EVL: variants seen among roughly 807,000 people sequenced by gnomAD.
EVL encodes the protein ena/VASP-like protein.
In EVL, 21 loss-of-function variants were observed where a neutral mutation model predicts 59.6. The observed-to-expected ratio is 0.35, with a 90% CI of 0.25 to 0.51. The LOEUF (loss-of-function observed/expected upper bound fraction) is 0.51, where lower values mean the gene tolerates loss of function less well. Ranked by LOEUF, EVL falls within the 20% of genes least tolerant of loss-of-function variation. The pLI is 0.97. For missense variants in EVL, 462 were observed against 546.6 expected (o/e 0.85, Z 1.54); for synonymous variants, 198 against 203.5 (o/e 0.97, Z 0.23).
intron 1 of EVL, among the ~76,000 whole-genome samples, chr14:99,982,378 T>C (rs73345466): frequency 0.13 from 19,281 of 152,194 alleles, 1,415 homozygotes; most frequent in African/African-American, 0.2. Flanking sequence ...TTTAATGGTA[T>C]TTTTGGGACC....
chr14:100,027,921 C>T (rs574735432), intron 1 of EVL, among the ~76,000 whole-genome samples: 2 of 152,168 alleles, frequency 1.3e-5, no homozygotes, highest in South Asian at 4.1e-4. Context: ...GTGATCCACC[C>T]TCATTGGCCT....
chr14:100,093,904 A>G (rs1321958364), intron 2 of EVL, among the ~76,000 whole-genome samples: 2 of 152,226 alleles, frequency 1.3e-5, no homozygotes, highest in Admixed American at 6.5e-5. Flanking sequence ...TAAATTTTAA[A>G]TTATGTGCCA....
Position 100,091,528 on chromosome 14 carries a change from TGGA to T in EVL, c.181-5950_181-5948del, listed in dbSNP as rs2062564332. Among the ~76,000 whole-genome samples, 4 of 152,166 alleles carry T rather than the reference TGGA, an allele frequency of 2.6e-5. No individual in the cohort carries two copies. In the South Asian group the frequency reaches 8.3e-4, roughly 31 times the overall value. ...GAGAGCTTCCAGAGAGCTGACCTGG[TGGA>T]GGTTCCTGGAGGGGGGGCAGGCCTA... On this transcript the variant is annotated intron_variant, in intron 2 of 13. Transcript: ENST00000392920.
In EVL at chr14:100,129,638, G is replaced by A; in HGVS notation, c.793G>A (p.Gly265Ser). 6.2e-7 allele frequency: 1 copy of A among 1,607,220 alleles called. No homozygotes were observed. Among genetic ancestry groups the A allele is most frequent in the Non-Finnish European group, 8.5e-7 (1 of 1,176,496 alleles). Residue 265 changes from glycine to serine, a missense_variant, in exon 7 of 14, where the codon GGC (glycine) becomes AGC (serine). Physicochemically the swap from Gly to Ser is moderately conservative, Grantham distance 56 (BLOSUM62 0). Transcript: ENST00000392920. ...TGCCAACCGGGCAAGCAGCGGGGGT[G>A]GCGGAGGAGGCCTCATGGAGGAAAT... ...SDANRASSGG[G>S]GGGLMEEMNK... is the part of the protein sequence containing the mutation.
chr14:100,135,938 C>G lies in EVL; in HGVS notation c.934C>G (p.Arg312Gly). 1.2e-6 allele frequency: 2 copies of G among 1,613,866 alleles called. No homozygotes were observed. Among genetic ancestry groups the G allele is most frequent in the Non-Finnish European group, 8.5e-7 (1 of 1,180,010 alleles). The change falls in exon 9 of 14, where the codon CGA becomes GGA. Residue 312 changes from arginine (R) to glycine (G), a missense_variant. Coordinates refer to ENST00000392920, the MANE Select transcript of EVL (RefSeq NM_016337.3). ...TAGTACCTCCCCCTCTCCGGGGACC[C>G]GAGCAGCCAGCCAGCCACCTAACTC... Reference protein sequence around the residue: ...DPSTSPSPGTRAASQPPNSSE... With the variant: ...DPSTSPSPGTGAASQPPNSSE...
At chr14:100,050,342 T>G (rs1210220905) in intron 1 of EVL, among the ~76,000 whole-genome samples, 1 of 135,034 alleles carries the variant, frequency 7.4e-6, no homozygotes, top group Non-Finnish European at 1.6e-5. Context: ...GTGTATTTCA[T>G]TTATTTATTT....
At chr14:100,088,814 T>C (rs1385932276) in intron 2 of EVL, among the ~76,000 whole-genome samples, 10 of 152,104 alleles carry the variant, frequency 6.6e-5, no homozygotes, top group Non-Finnish European at 5.9e-5. Flanking sequence ...ATGCAAAAAG[T>C]ATGACATTTT....
At chr14:100,118,277 G>A (rs191999037) in intron 3 of EVL, among the ~76,000 whole-genome samples, 2 of 152,286 alleles carry the variant, frequency 1.3e-5, no homozygotes, top group African/African-American at 4.8e-5. Flanking sequence ...CCCATAATGC[G>A]TGCCCAGATT....
intron 2 of EVL, among the ~76,000 whole-genome samples, chr14:100,091,498 G>T (rs2062563884): frequency 6.6e-6 from 1 of 152,208 alleles, no homozygotes; most frequent in Non-Finnish European, 1.5e-5. Flanking sequence ...AAAAGGCAGA[G>T]TTGGGAGAGC....
At chr14:99,995,709 C>G (rs372469409) in intron 1 of EVL, among the ~76,000 whole-genome samples, 18 of 152,198 alleles carry the variant, frequency 1.2e-4, no homozygotes, top group Admixed American at 2.0e-4. Flanking sequence ...CAGCACCCCT[C>G]CCAGTCCTTA....
chr14:100,136,094 G>A, intron 9 of EVL, 126 bp downstream of exon 9: 1 of 1,098,650 alleles, frequency 9.1e-7, no homozygotes, highest in Non-Finnish European at 1.3e-6. Context: ...AGGCCACAGG[G>A]AAGCCCATTT....
chr14:99,995,013 T>C (rs756991669), intron 1 of EVL, among the ~76,000 whole-genome samples: 30 of 152,382 alleles, frequency 2.0e-4, no homozygotes, highest in Non-Finnish European at 4.1e-4. Flanking sequence ...TAGAAATTAT[T>C]TGATAATCTT....
At chr14:100,116,210 T>C (rs772397100) in intron 3 of EVL, among the ~76,000 whole-genome samples, 2 of 152,164 alleles carry the variant, frequency 1.3e-5, no homozygotes, top group Non-Finnish European at 2.9e-5. Flanking sequence ...CCAGTCTCAC[T>C]GTAAAATGAG....
In EVL at chr14:100,025,217, A is replaced by G. The variant is rs201234591; in HGVS notation, c.5+53160A>G. ...CCCACTTCACTGAGAGTGAGAGCAC[A>G]AGCTCCTTTAATGGCTTACCAGGCC... On this transcript the variant is annotated intron_variant, in intron 1 of 13. Coordinates refer to the EVL transcript ENST00000402714. Among the ~76,000 whole-genome samples, 16 of 152,226 alleles carry G rather than the reference A, an allele frequency of 1.1e-4. No individual in the cohort carries two copies. In the East Asian group the frequency reaches 3.1e-3, roughly 29 times the overall value.
At position 100,005,669 on chromosome 14, in the gene EVL, A is replaced by C. The variant is rs201136370; in HGVS notation, c.5+33612A>C. On this transcript the variant is annotated intron_variant, in intron 1 of 13. Coordinates refer to the EVL transcript ENST00000402714. Reference sequence around the variant, plus strand: ...CACACACACACACACACACACACACACCCCTTGGATGTTACCTTTTAATTA... The same window carrying C: ...CACACACACACACACACACACACACCCCCCTTGGATGTTACCTTTTAATTA... Among the ~76,000 whole-genome samples the C allele has an allele frequency of 5.5e-3, 788 of 142,366 alleles. 4 individuals are homozygous for C. The highest frequency in any genetic ancestry group is 0.019 in the African/African-American group (702 of 37,760). The allele number at this position is 142,366 out of a possible 152,430, so 93.4% of individuals were successfully genotyped here.
At chr14:100,019,546 G>C (rs1002308115) in intron 1 of EVL, 9 of 801,986 alleles carry the variant, frequency 1.1e-5, no homozygotes, top group Non-Finnish European at 1.7e-5. Context: ...CAGAATATTG[G>C]GGGGTGTGGA....
At chr14:100,079,959 A>G (rs1333306604) in intron 1 of EVL, among the ~76,000 whole-genome samples, 1 of 152,100 alleles carries the variant, frequency 6.6e-6, no homozygotes, top group African/African-American at 2.4e-5. Flanking sequence ...CTGCCTATGT[A>G]ATAGTTTTAT....
At chr14:100,029,075 G>A (rs1353131683) in intron 1 of EVL, among the ~76,000 whole-genome samples, 1 of 152,216 alleles carries the variant, frequency 6.6e-6, no homozygotes, top group Non-Finnish European at 1.5e-5. Context: ...TGTAATCAGT[G>A]AAAGTTTAAT....
chr14:100,053,231 T>A (rs2061674384), intron 1 of EVL, among the ~76,000 whole-genome samples: 1 of 152,210 alleles, frequency 6.6e-6, no homozygotes, highest in Admixed American at 6.5e-5. Context: ...TAATAATAGC[T>A]TTTAATTCTG....
Sources: gnomAD v4.1 joint callset for allele counts (sites outside exome capture counted in the v4.1 genomes callset) on GRCh38, gnomAD v4.1.1 for gene constraint, MANE v1.5 for transcripts, NCBI Gene and HGNC (gene_info 2026-07-23, HGNC 2026-07-21) for gene names.